SPOCK1: variants seen among roughly 807,000 people sequenced by gnomAD.
SPOCK1 encodes SPARC (osteonectin), cwcv and kazal like domains proteoglycan 1.
Under a neutral mutation model 55.3 loss-of-function variants are expected in SPOCK1, and 23 were observed. The observed-to-expected ratio is 0.42, with a 90% CI of 0.30 to 0.59. The LOEUF is 0.59. Ranked by LOEUF, SPOCK1 falls within the 20% of genes least tolerant of loss-of-function variation. The pLI, the probability that SPOCK1 is intolerant of heterozygous loss-of-function variation, is 0.22. For synonymous variants in SPOCK1, 226 were observed against 221.0 expected, an observed-to-expected ratio of 1.02 and a Z score of -0.20; for missense variants, 499 against 552.5, an observed-to-expected ratio of 0.90 and a Z score of 0.97.
intron 6 of SPOCK1, among the ~76,000 whole-genome samples, chr5:137,024,362 C>T (rs1561583145): frequency 6.8e-6 from 1 of 147,672 alleles, no homozygotes; most frequent in Non-Finnish European, 1.5e-5. Context: ...TTAAATACAA[C>T]ACTGATGTAA....
intron 6 of SPOCK1, among the ~76,000 whole-genome samples, chr5:137,042,032 A>C (rs902578967): frequency 1.3e-5 from 2 of 152,220 alleles, no homozygotes; most frequent in South Asian, 4.1e-4. Context: ...CATAAACACC[A>C]AAACTGGAAG....
chr5:137,169,203 G>T (rs995501544), intron 3 of SPOCK1, among the ~76,000 whole-genome samples: 6 of 152,022 alleles, frequency 3.9e-5, no homozygotes, highest in African/African-American at 1.4e-4. Flanking sequence ...GTGAGGGGTT[G>T]GGGGGAAGTG....
intron 2 of SPOCK1, among the ~76,000 whole-genome samples, chr5:137,464,355 T>C (rs939417381): frequency 6.6e-6 from 1 of 152,138 alleles, no homozygotes; most frequent in African/African-American, 2.4e-5. Context: ...TACTCAATTT[T>C]TTGTGATGTG....
chr5:137,226,462 T>C (rs1264237302), intron 3 of SPOCK1, among the ~76,000 whole-genome samples: 1 of 152,202 alleles, frequency 6.6e-6, no homozygotes, highest in Non-Finnish European at 1.5e-5. Flanking sequence ...GTGCCATGCA[T>C]ACAGGCTGGG....
intron 2 of SPOCK1, among the ~76,000 whole-genome samples, chr5:137,432,040 C>T (rs1752757180): frequency 6.6e-6 from 1 of 152,110 alleles, no homozygotes; most frequent in African/African-American, 2.4e-5. Flanking sequence ...CAAATCAAAA[C>T]CACAATGAGA....
At chr5:137,230,071 G>C (rs1359922288) in intron 3 of SPOCK1, among the ~76,000 whole-genome samples, 1 of 152,216 alleles carries the variant, frequency 6.6e-6, no homozygotes, top group Non-Finnish European at 1.5e-5. Context: ...GCCAGTCAGA[G>C]ACAAGATTGG....
At chr5:137,234,572 T>A (rs6867708) in intron 3 of SPOCK1, among the ~76,000 whole-genome samples, 25,793 of 152,210 alleles carry the variant, frequency 0.17, 2,472 homozygotes, top group South Asian at 0.26. Flanking sequence ...AATCATATCA[T>A]ATCCCATTGT....
chr5:137,186,818 G>T (rs565669199), intron 3 of SPOCK1, among the ~76,000 whole-genome samples: 1 of 152,058 alleles, frequency 6.6e-6, no homozygotes, highest in Non-Finnish European at 1.5e-5. Flanking sequence ...CCTCCCCTTG[G>T]CTTCCCTCCC....
chr5:137,413,494 T>G (rs961337470), intron 2 of SPOCK1, among the ~76,000 whole-genome samples: 2 of 151,114 alleles, frequency 1.3e-5, no homozygotes, highest in Non-Finnish European at 2.9e-5. Flanking sequence ...GGGATTTCTA[T>G]TCACTTACTA....
chr5:137,112,813 C>T (rs1416962374), intron 4 of SPOCK1, among the ~76,000 whole-genome samples: 2 of 146,304 alleles, frequency 1.4e-5, no homozygotes, highest in African/African-American at 2.5e-5. Context: ...AACATGACTA[C>T]TGACATGGGA....
intron 3 of SPOCK1, among the ~76,000 whole-genome samples, chr5:137,211,421 G>A (rs1561472972): frequency 1.3e-5 from 2 of 152,162 alleles, no homozygotes; most frequent in Non-Finnish European, 2.9e-5. Flanking sequence ...CTCGGCCCCT[G>A]GTTTCTGAGA....
chr5:137,005,205 T>C (rs993545895), intron 6 of SPOCK1, among the ~76,000 whole-genome samples: 2 of 152,190 alleles, frequency 1.3e-5, no homozygotes, highest in Admixed American at 1.3e-4. Context: ...GGTAAATCCC[T>C]GAAGCAAGTG....
chr5:137,075,674 A>C (rs897506923), intron 5 of SPOCK1, among the ~76,000 whole-genome samples: 3 of 152,182 alleles, frequency 2.0e-5, no homozygotes, highest in Non-Finnish European at 4.4e-5. Context: ...TAGTTTCTCT[A>C]AACTGTGTGA....
chr5:137,180,479 C>T (rs929593328), intron 3 of SPOCK1, among the ~76,000 whole-genome samples: 1 of 152,076 alleles, frequency 6.6e-6, no homozygotes, highest in African/African-American at 2.4e-5. Flanking sequence ...TCCCATTTCA[C>T]AGGAGGGAAC....
intron 3 of SPOCK1, among the ~76,000 whole-genome samples, chr5:137,158,281 G>A (rs1361189158): frequency 2.6e-5 from 4 of 152,194 alleles, no homozygotes; most frequent in Non-Finnish European, 1.5e-5. Flanking sequence ...GGTTCCTGCT[G>A]TCTAGCCTTT....
intron 6 of SPOCK1, among the ~76,000 whole-genome samples, chr5:137,005,133 A>G (rs1405517910): frequency 1.3e-5 from 2 of 152,196 alleles, no homozygotes; most frequent in African/African-American, 4.8e-5. Context: ...GATCTGTTTC[A>G]TAGAAACAGA....
chr5:137,235,944 C>T (rs1756172386), intron 3 of SPOCK1, among the ~76,000 whole-genome samples: 1 of 152,240 alleles, frequency 6.6e-6, no homozygotes, highest in African/African-American at 2.4e-5. Context: ...ATAAATGAAA[C>T]TATGCTAACA....
At chr5:137,452,206 A>C (rs1753268763) in intron 2 of SPOCK1, among the ~76,000 whole-genome samples, 1 of 152,232 alleles carries the variant, frequency 6.6e-6, no homozygotes, top group Non-Finnish European at 1.5e-5. Flanking sequence ...CCAAAATTTA[A>C]CTATTTACAT....
chr5:137,298,412 T>G (rs1200239430), intron 2 of SPOCK1, among the ~76,000 whole-genome samples: 1 of 152,220 alleles, frequency 6.6e-6, no homozygotes, highest in Non-Finnish European at 1.5e-5. Context: ...TTTATGACAC[T>G]GAATGGTTTC....
Sources: gnomAD v4.1 joint callset for allele counts (sites outside exome capture counted in the v4.1 genomes callset) on GRCh38, gnomAD v4.1.1 for gene constraint, MANE v1.5 for transcripts, NCBI Gene and HGNC (gene_info 2026-07-23, HGNC 2026-07-21) for gene names.